Variants in CCDC191 observed in about 807,000 individuals in gnomAD.
CCDC191 encodes coiled-coil domain containing 191, also known as coiled-coil domain-containing protein 191.
A neutral mutation model predicts 114.0 loss-of-function variants in CCDC191; 99 were observed. That is an observed-to-expected ratio of 0.87 (90% CI 0.74 to 1.03). CCDC191 has a LOEUF of 1.03. Among genes scored for constraint, CCDC191 ranks in the 50% least tolerant of loss-of-function variants. The pLI, the probability that CCDC191 is intolerant of heterozygous loss-of-function variation, is 0.00. For missense variants in CCDC191, 973 were observed against 1,087.0 expected, an observed-to-expected ratio of 0.90 and a Z score of 1.47; for synonymous variants, 351 against 376.0, an observed-to-expected ratio of 0.93 and a Z score of 0.77.
intron 13 of CCDC191, among the ~76,000 whole-genome samples, chr3:113,993,110 C>T (rs2075621947): frequency 6.6e-6 from 1 of 152,052 alleles, no homozygotes; most frequent in Non-Finnish European, 1.5e-5. Flanking sequence ...AACACCCTTG[C>T]ATGATAAAAA....
chr3:114,007,165 G>C (rs1265686664), intron 9 of CCDC191, among the ~76,000 whole-genome samples: 1 of 152,150 alleles, frequency 6.6e-6, no homozygotes, highest in Non-Finnish European at 1.5e-5. Context: ...TTTTTATTTA[G>C]AAACAGCTAT....
At chr3:114,046,515 A>G in intron 3 of CCDC191, 76 bp downstream of exon 3, 1 of 931,468 alleles carries the variant, frequency 1.1e-6, no homozygotes. Flanking sequence ...GAAAACTTCC[A>G]TTCTCTACTT....
At chr3:113,978,592 C>T in intron 15 of CCDC191, 1 of 576,062 alleles carries the variant, frequency 1.7e-6, no homozygotes, top group South Asian at 2.5e-5. Context: ...AGACAAGAAA[C>T]AAGAAATGAC....
chr3:113,964,775 C>T lies in CCDC191; in HGVS notation c.*380G>A, dbSNP rs1240822657. On this transcript the variant is annotated 3_prime_UTR_variant, in exon 17 of 17. Coordinates refer to ENST00000295878, the MANE Select transcript of CCDC191 (RefSeq NM_020817.2). ...CCGCCCTTCCTTTCCGAGCACTCACCCCTGTTTATTTCTGTTTCATTAAGG... is the reference window on the plus strand; with the variant it reads ...CCGCCCTTCCTTTCCGAGCACTCACTCCTGTTTATTTCTGTTTCATTAAGG... 2 of 153,666 alleles carry T rather than the reference C, an allele frequency of 1.3e-5. No homozygotes were observed. The highest frequency in any genetic ancestry group is 2.4e-5 in the African/African-American group (1 of 41,512). The allele number at this position is 153,666 out of a possible 1,614,324, so 9.5% of individuals were successfully genotyped here. A position where few individuals can be genotyped will look rare whatever the true frequency, so the allele number is the denominator to read the frequency against.
At chr3:114,041,261 T>C (rs551730876) in intron 4 of CCDC191, among the ~76,000 whole-genome samples, 2 of 152,260 alleles carry the variant, frequency 1.3e-5, no homozygotes, top group East Asian at 3.9e-4. Context: ...ACGAGGATGA[T>C]AAGACCTAGA....
chr3:114,047,067 ATT>A lies in CCDC191; in HGVS notation c.130-337_130-336del, dbSNP rs1181933602. On this transcript the variant is annotated intron_variant, in intron 2 of 16. Coordinates refer to ENST00000295878, the MANE Select transcript of CCDC191 (RefSeq NM_020817.2). ...GGATATTTTACTTTAAATAAAAAAT[ATT>A]ATATTTTATTAGTTTTCATGCCCTT... The A allele has an allele frequency of 7.3e-6, 7 of 959,188 alleles. No individual in the cohort carries two copies. In the African/African-American group the frequency reaches 1.2e-4, roughly 17 times the overall value. The allele number at this position is 959,188 out of a possible 1,614,324, so 59.4% of individuals were successfully genotyped here. A position where few individuals can be genotyped will look rare whatever the true frequency, so the allele number is the denominator to read the frequency against.
At chr3:114,041,845 T>A (rs1293209427) in intron 4 of CCDC191, among the ~76,000 whole-genome samples, 1 of 152,092 alleles carries the variant, frequency 6.6e-6, no homozygotes, top group East Asian at 1.9e-4. Flanking sequence ...TCCTTACACG[T>A]CAGCCATCTA....
Position 114,035,080 on chromosome 3 carries a change from T to C in CCDC191, c.663A>G (p.Lys221=), listed in dbSNP as rs1230469766. Residue 221 remains lysine, a synonymous_variant, in exon 6 of 17, where the codon AAA becomes AAG. Transcript: ENST00000295878. ...GACACTGAGCCTCCAAGAAGGCCGATTTTTTCAGGGTCTTTTCTATTCTCT... is the reference window on the plus strand; with the variant it reads ...GACACTGAGCCTCCAAGAAGGCCGACTTTTTCAGGGTCTTTTCTATTCTCT... ...EYQRIEKTLK[K]SAFLEAQCLV... is the part of the protein sequence containing the mutation. 5.0e-6 allele frequency: 8 copies of C among 1,613,968 alleles called. No individual in the cohort carries two copies. In the South Asian group the frequency reaches 7.7e-5, roughly 16 times the overall value.
intron 16 of CCDC191, among the ~76,000 whole-genome samples, chr3:113,975,529 G>A (rs1009909746): frequency 3.9e-5 from 6 of 152,134 alleles, no homozygotes; most frequent in Non-Finnish European, 7.3e-5. Context: ...TATGTACTGA[G>A]CGCTGTCATA....
At chr3:114,045,431 G>GC (rs2076616486) in intron 3 of CCDC191, among the ~76,000 whole-genome samples, 1 of 152,024 alleles carries the variant, frequency 6.6e-6, no homozygotes. Context: ...GAGTGCAGTG[G>GC]CAAGATCTTG....
chr3:113,978,652 C>T (rs943371389), intron 15 of CCDC191: 4 of 621,818 alleles, frequency 6.4e-6, no homozygotes, highest in African/African-American at 3.7e-5. Flanking sequence ...ATACACACTC[C>T]GTGAAACAAA....
chr3:113,993,922 T>A (rs866975966), intron 13 of CCDC191, among the ~76,000 whole-genome samples: 11 of 152,018 alleles, frequency 7.2e-5, no homozygotes, highest in Middle Eastern at 3.4e-3. Context: ...TAACTCCAAA[T>A]AGACCACAGA....
At chr3:113,984,496 T>C (rs186651941) in intron 13 of CCDC191, 1 of 152,272 alleles carries the variant, frequency 6.6e-6, no homozygotes, top group African/African-American at 2.4e-5. Flanking sequence ...AAGTAAAGAA[T>C]TGCTTGGCAG....
At chr3:113,987,534 TA>T (rs751097039) in intron 13 of CCDC191, among the ~76,000 whole-genome samples, 10 of 152,172 alleles carry the variant, frequency 6.6e-5, no homozygotes, top group Non-Finnish European at 1.5e-4. Flanking sequence ...GTTCTTTCAC[TA>T]CATGTAAAGT....
At chr3:114,046,209 T>C (rs1002112086) in intron 3 of CCDC191, among the ~76,000 whole-genome samples, 3 of 152,156 alleles carry the variant, frequency 2.0e-5, no homozygotes, top group Non-Finnish European at 4.4e-5. Context: ...TTCTGGGACA[T>C]AGGAAGGTTA....
intron 13 of CCDC191, among the ~76,000 whole-genome samples, chr3:113,985,951 A>AT (rs1180155155): frequency 6.6e-6 from 1 of 152,222 alleles, no homozygotes; most frequent in Non-Finnish European, 1.5e-5. Flanking sequence ...AAGACAAGAA[A>AT]TAAATACACC....
At chr3:113,993,025 C>A (rs909891360) in intron 13 of CCDC191, among the ~76,000 whole-genome samples, 1 of 152,156 alleles carries the variant, frequency 6.6e-6, no homozygotes, top group Non-Finnish European at 1.5e-5. Flanking sequence ...AAATGTGATA[C>A]ACCATATTAA....
intron 6 of CCDC191, among the ~76,000 whole-genome samples, chr3:114,033,766 C>T (rs1436884231): frequency 2.0e-5 from 3 of 152,170 alleles, no homozygotes; most frequent in African/African-American, 7.2e-5. Flanking sequence ...ACTAAAACAC[C>T]AGTGATTGCT....
chr3:114,047,528 T>C (rs1013694931), intron 2 of CCDC191, among the ~76,000 whole-genome samples: 1 of 151,958 alleles, frequency 6.6e-6, no homozygotes, highest in African/African-American at 2.4e-5. Context: ...CCGGGTGTGG[T>C]TGTGCACACC....
Sources: allele counts gnomAD v4.1 joint callset (sites outside exome capture counted in the v4.1 genomes callset), GRCh38; gene constraint gnomAD v4.1.1; transcripts MANE v1.5; gene names NCBI Gene and HGNC (gene_info 2026-07-23, HGNC 2026-07-21).